APOBEC3B: variants seen among roughly 807,000 people sequenced by gnomAD.
APOBEC3B encodes the protein apolipoprotein B mRNA editing enzyme catalytic subunit 3B, also known as DNA dC->dU-editing enzyme APOBEC-3B.
In APOBEC3B, 29 loss-of-function variants were observed where a neutral mutation model predicts 53.4. The ratio of observed to expected loss-of-function variants is 0.54; its 90% CI spans 0.40 to 0.74. The LOEUF is 0.74. APOBEC3B is among the 30% of genes least tolerant of loss of function. APOBEC3B has a pLI of 0.00. For synonymous variants in APOBEC3B, 132 were observed against 184.8 expected (o/e 0.71, Z 2.32); for missense variants, 347 against 496.2 (o/e 0.70, Z 2.86).
intron 4 of APOBEC3B, among the ~76,000 whole-genome samples, chr22:38,988,697 C>CTTTCTT (rs1923852174): frequency 1.7e-5 from 2 of 115,902 alleles, no homozygotes; most frequent in Admixed American, 9.5e-5. Flanking sequence ...TTCTTTCTTT[C>CTTTCTT]TTTCTTTCTT....
intron 5 of APOBEC3B, among the ~76,000 whole-genome samples, chr22:38,990,746 A>G (rs1465494404): frequency 6.8e-6 from 1 of 146,312 alleles, no homozygotes; most frequent in Non-Finnish European, 1.5e-5. Context: ...AGGGGAGTTG[A>G]TGAGTAGAGC....
rs777703715 is a variant in APOBEC3B, at chr22:38,986,057, G to A, written c.420G>A (p.Gln140=). ...GAAGGGCGCTCTGCAGGCTGAGTCA[G>A]GCAGGAGCCCGCGTGACGATCATGG... ...DYRRALCRLS[Q]AGARVTIMDY... The change falls in exon 3 of 8, where the codon CAG becomes CAA. Residue 140 remains glutamine, a synonymous_variant. Transcript: ENST00000333467. 6.3e-7 allele frequency: 1 copy of A among 1,592,650 alleles called. No individual in the cohort carries two copies. The highest frequency in any genetic ancestry group is 1.8e-5 in the Admixed American group (1 of 56,342).
chr22:38,983,643 T>A lies in APOBEC3B; in HGVS notation c.18-432T>A, dbSNP rs187556597. Reference sequence around the variant, plus strand: ...CACACCCGCTCAGCACTTAGAAGAGTGGCCTGGGCCTCAGAATTCAGTTCT... The same window carrying A: ...CACACCCGCTCAGCACTTAGAAGAGAGGCCTGGGCCTCAGAATTCAGTTCT... On this transcript the variant is annotated intron_variant, in intron 1 of 7. Transcript: ENST00000333467. Among the ~76,000 whole-genome samples the A allele has an allele frequency of 4.4e-4, 65 of 149,126 alleles. 13 individuals carry two copies. The East Asian group carries it at 0.014, about 32-fold the overall frequency.
rs1490910282 is a variant in APOBEC3B, at chr22:38,986,276, G to A, written c.455-22G>A. The A allele has an allele frequency of 5.0e-6, 8 of 1,591,438 alleles. 1 individual carries two copies. The highest frequency in any genetic ancestry group is 6.8e-6 in the Non-Finnish European group (8 of 1,170,850). ...GCCAGGGTCAGGGGAGAGCCTGACT[G>A]CTTCCCGCTTCTTCATCTCAGAATT... On this transcript the variant is annotated intron_variant, in intron 3 of 7. Coordinates refer to ENST00000333467, the MANE Select transcript of APOBEC3B (RefSeq NM_004900.5).
rs2146286467 is a variant in APOBEC3B, at chr22:38,982,426, A to G, written c.-28A>G. Reference sequence around the variant, plus strand: ...CAGAGCTTCAAAAAAAGAGCGGGACAGGGACAAGCGTATCTAAGAGGCTGA... The same window carrying G: ...CAGAGCTTCAAAAAAAGAGCGGGACGGGGACAAGCGTATCTAAGAGGCTGA... On this transcript the variant is annotated 5_prime_UTR_variant, in exon 1 of 8. Coordinates refer to ENST00000333467, the MANE Select transcript of APOBEC3B (RefSeq NM_004900.5). 4 of 1,593,404 alleles carry G rather than the reference A, an allele frequency of 2.5e-6. 1 individual carries two copies. Among genetic ancestry groups the G allele is most frequent in the Non-Finnish European group, 2.6e-6 (3 of 1,172,372 alleles).
chr22:38,992,649 A>C lies in APOBEC3B; in HGVS notation c.*204A>C. On this transcript the variant is annotated 3_prime_UTR_variant, in exon 8 of 8. Transcript: ENST00000333467. Reference sequence around the variant, plus strand: ...AATTGAAAATTTCTCTTATGTTCCAAGTGTACAAGAGTAAGATTATGCTCA... The same window carrying C: ...AATTGAAAATTTCTCTTATGTTCCACGTGTACAAGAGTAAGATTATGCTCA... 7.2e-7 allele frequency: 1 copy of C among 1,382,422 alleles called. No individual in the cohort carries two copies. Among genetic ancestry groups the C allele is most frequent in the Non-Finnish European group, 9.7e-7 (1 of 1,028,758 alleles). 85.6% of individuals were successfully genotyped at this position (1,382,422 alleles called of 1,614,324 possible).
Position 38,985,168 on chromosome 22 carries a change from G to A in APOBEC3B, c.175-644G>A, listed in dbSNP as rs1228177296. Reference sequence around the variant, plus strand: ...ACCTGCCTTGGCCTCCCAAAGTGCTGGGGTTACAAGCATGAGTCACCGCAC... The same window carrying A: ...ACCTGCCTTGGCCTCCCAAAGTGCTAGGGTTACAAGCATGAGTCACCGCAC... On this transcript the variant is annotated intron_variant, in intron 2 of 7. Transcript: ENST00000333467. 1.8e-4 allele frequency among the ~76,000 whole-genome samples: 26 copies of A among 148,398 alleles called. 2 individuals are homozygous for A. Among genetic ancestry groups the A allele is most frequent in the African/African-American group, 5.6e-4 (23 of 40,862 alleles).
In APOBEC3B at chr22:38,984,082, A is replaced by T. The variant is rs1248045775; in HGVS notation, c.25A>T (p.Met9Leu). The change falls in exon 2 of 8, where the codon ATG (methionine) becomes TTG (leucine). Residue 9 changes from methionine to leucine, a missense_variant. By Grantham distance (15) the Met-to-Leu change is conservative. Around this residue, in one of 5 missense-constraint regions of APOBEC3B, gnomAD observed 73 missense variants for 90.9 expected, o/e 0.80. Transcript: ENST00000333467. The part of the protein sequence containing the change: MNPQIRNP[M>L]ERMYRDTFYD... ...TCTCTCTTGTGCCTTCAGAAATCCGATGGAGCGGATGTATCGAGACACATT... is the reference window on the plus strand; with the variant it reads ...TCTCTCTTGTGCCTTCAGAAATCCGTTGGAGCGGATGTATCGAGACACATT... 1 of 1,575,880 alleles carries T rather than the reference A, an allele frequency of 6.3e-7. No individual in the cohort carries two copies. Among genetic ancestry groups the T allele is most frequent in the African/African-American group, 1.4e-5 (1 of 73,698 alleles).
At chr22:38,984,039 TC>T (rs1310842115) in intron 1 of APOBEC3B, 35 bp from the exon 2 acceptor site, 1 of 1,567,776 alleles carries the variant, frequency 6.4e-7, no homozygotes, top group Non-Finnish European at 8.6e-7. Flanking sequence ...CCGGGAGGGC[TC>T]CCTGCATGGG....
Position 38,985,955 on chromosome 22 carries a change from A to G in APOBEC3B, c.318A>G (p.Glu106=), listed in dbSNP as rs760107103. 52 of 1,601,312 alleles carry G rather than the reference A, an allele frequency of 3.2e-5. 3 individuals carry two copies. In the Middle Eastern group the frequency reaches 9.9e-4, roughly 31 times the overall value. ...PCPDCVAKLA[E]FLSEHPNVTL... is the part of the protein sequence containing the mutation. ...CGGACTGTGTGGCGAAGCTGGCCGA[A>G]TTCCTGTCTGAGCACCCCAATGTCA... Residue 106 remains glutamate, a synonymous_variant, in exon 3 of 8, where the codon GAA becomes GAG. Transcript: ENST00000333467.
intron 4 of APOBEC3B, among the ~76,000 whole-genome samples, chr22:38,986,875 G>T (rs1217626014): frequency 6.7e-6 from 1 of 148,596 alleles, no homozygotes; most frequent in African/African-American, 2.4e-5. Flanking sequence ...GTGAAGGCAT[G>T]GGGGAAGGCA....
intron 2 of APOBEC3B, 80 bp from the exon 3 acceptor site, chr22:38,985,732 C>T: frequency 1.7e-6 from 2 of 1,210,564 alleles, no homozygotes; most frequent in Non-Finnish European, 2.3e-6. Flanking sequence ...CCTGTCCTGG[C>T]CCCTCCTCTC....
chr22:38,989,122 CA>C (rs1435204354), intron 4 of APOBEC3B, among the ~76,000 whole-genome samples: 1 of 148,116 alleles, frequency 6.8e-6, no homozygotes, highest in Non-Finnish European at 1.5e-5. Flanking sequence ...AGAGCCAGGA[CA>C]GGGGTGCATG....
rs375907977 is a variant in APOBEC3B at position 38,986,213 on chromosome 22, T to A, written c.455-85T>A. ...CTGCAGGGGTGGGACTGGCACTGAC[T>A]GCAACTGACAGCCAGGAGACCAGGC... is the stretch of plus-strand genomic sequence containing the variant. On this transcript the variant is annotated intron_variant, in intron 3 of 7. Coordinates refer to ENST00000333467, the MANE Select transcript of APOBEC3B (RefSeq NM_004900.5). 2.3e-4 allele frequency: 368 copies of A among 1,584,972 alleles called. 29 individuals carry two copies. The highest frequency in any genetic ancestry group is 2.9e-4 in the Admixed American group (16 of 55,824).
intron 1 of APOBEC3B, 24 bp downstream of exon 1, chr22:38,982,494 T>C (rs1455418885): frequency 2.5e-6 from 4 of 1,593,116 alleles, no homozygotes; most frequent in Non-Finnish European, 3.4e-6. Flanking sequence ...CTCTGCCTGC[T>C]GGGCCCCTCC....
chr22:38,985,510 CAGAA>C (rs1923698577), intron 2 of APOBEC3B, among the ~76,000 whole-genome samples: 2 of 148,606 alleles, frequency 1.3e-5, no homozygotes, highest in African/African-American at 4.9e-5. Context: ...GGGCAAGAGA[CAGAA>C]AGAGGGGCTG....
At chr22:38,988,748 C>CTTTCTTTCTTTCCTTCTTT (rs1317657637) in intron 4 of APOBEC3B, among the ~76,000 whole-genome samples, 3 of 65,898 alleles carry the variant, frequency 4.6e-5, no homozygotes, top group African/African-American at 5.9e-5. Context: ...TTTCTTTCTT[C>CTTTCTTTCTTTCCTTCTTT]CTTTCTTCTC....
Position 38,991,758 on chromosome 22 carries a change from A to G in APOBEC3B, c.1018+132A>G. On this transcript the variant is annotated intron_variant, in intron 6 of 7. Coordinates refer to ENST00000333467, the MANE Select transcript of APOBEC3B (RefSeq NM_004900.5). ...ACTCTGGGACCTGACTTTGGGGTCG[A>G]TGGGAAGAGAGAGGCCAGGCCAGGA... 11 of 1,299,346 alleles carry G rather than the reference A, an allele frequency of 8.5e-6. 1 individual carries two copies. The highest frequency in any genetic ancestry group is 1.1e-5 in the Non-Finnish European group (11 of 966,342). The allele number at this position is 1,299,346 out of a possible 1,614,324, so 80.5% of individuals were successfully genotyped here. A position where few individuals can be genotyped will look rare whatever the true frequency, so the allele number is the denominator to read the frequency against.
At chr22:38,990,727 G>A (rs1923958060) in intron 5 of APOBEC3B, among the ~76,000 whole-genome samples, 1 of 146,890 alleles carries the variant, frequency 6.8e-6, no homozygotes, top group African/African-American at 2.5e-5. Flanking sequence ...CCACAGATGG[G>A]ATGGGAGTAG....
Sources: gnomAD v4.1 joint callset for allele counts (sites outside exome capture counted in the v4.1 genomes callset) on GRCh38, gnomAD v4.1.1 for gene constraint, gnomAD v4.1.1 regional missense constraint, MANE v1.5 for transcripts, NCBI Gene and HGNC (gene_info 2026-07-23, HGNC 2026-07-21) for gene names.